Variants in GPHN observed in about 807,000 individuals in gnomAD.
GPHN encodes the protein gephyrin.
A neutral mutation model predicts 95.5 loss-of-function variants in GPHN; 17 were observed. The ratio of observed to expected loss-of-function variants is 0.18; its 90% CI spans 0.12 to 0.27. GPHN has a LOEUF of 0.27. Among genes scored for constraint, GPHN ranks in the 10% least tolerant of loss-of-function variants. The pLI, the probability that GPHN is intolerant of heterozygous loss-of-function variation, is 1.00. For missense variants in GPHN, 660 were observed against 978.1 expected, an observed-to-expected ratio of 0.67 and a Z score of 4.34; for synonymous variants, 320 against 322.5, an observed-to-expected ratio of 0.99 and a Z score of 0.08.
chr14:67,566,886 A>G, the GPHN span, among the ~76,000 whole-genome samples: 1 of 152,148 alleles, frequency 6.6e-6, no homozygotes, highest in Non-Finnish European at 1.5e-5. Context: ...TAGAAAATAT[A>G]TCAGATGACG....
the GPHN span, chr14:67,562,456 C>T: frequency 1.2e-6 from 2 of 1,613,864 alleles, no homozygotes; most frequent in East Asian, 2.2e-5. Context: ...TTCTTACCTT[C>T]AGATGTAGTT....
chr14:66,887,589 C>T (rs1316391375), intron 5 of GPHN, among the ~76,000 whole-genome samples: 1 of 151,942 alleles, frequency 6.6e-6, no homozygotes, highest in East Asian at 1.9e-4. Flanking sequence ...ATAAAAAGAC[C>T]AAGACCTAAT....
At chr14:67,111,316 C>T (rs1184320838) in intron 14 of GPHN, among the ~76,000 whole-genome samples, 2 of 152,224 alleles carry the variant, frequency 1.3e-5, no homozygotes, top group Non-Finnish European at 2.9e-5. Context: ...TGACAAGACA[C>T]AGTTCCAATG....
the GPHN span, among the ~76,000 whole-genome samples, chr14:67,284,568 A>AAAAT: frequency 7.1e-6 from 1 of 140,060 alleles, no homozygotes; most frequent in Non-Finnish European, 1.6e-5. Context: ...AAAAAAAAAA[A>AAAAT]AAAAAAAAAA....
intron 2 of GPHN, among the ~76,000 whole-genome samples, chr14:66,704,806 C>A (rs1467478869): frequency 2.0e-5 from 3 of 152,080 alleles, no homozygotes; most frequent in Non-Finnish European, 4.4e-5. Flanking sequence ...CAAGAAATAA[C>A]TAAGATCAGA....
At chr14:66,757,976 C>T (rs2058623518) in intron 2 of GPHN, among the ~76,000 whole-genome samples, 1 of 152,130 alleles carries the variant, frequency 6.6e-6, no homozygotes, top group South Asian at 2.1e-4. Flanking sequence ...GTTTCCCCCA[C>T]CCAAAGGTGG....
At chr14:67,580,262 CTT>C in the GPHN span, 1 of 189,814 alleles carries the variant, frequency 5.3e-6, no homozygotes, top group Non-Finnish European at 1.1e-5. Flanking sequence ...CAGCACCTCA[CTT>C]TTACCCTTTC....
chr14:66,587,975 T>G (rs950232375), intron 1 of GPHN, among the ~76,000 whole-genome samples: 1 of 152,032 alleles, frequency 6.6e-6, no homozygotes, highest in African/African-American at 2.4e-5. Flanking sequence ...GACAGACACC[T>G]CATACAGGAG....
At chr14:66,932,605 C>T (rs771165039) in intron 8 of GPHN, among the ~76,000 whole-genome samples, 37 of 150,296 alleles carry the variant, frequency 2.5e-4, no homozygotes, top group Admixed American at 1.9e-3. Flanking sequence ...AGACAAAGTC[C>T]TCTTTACTTT....
chr14:67,579,379 CT>C, the GPHN span: 1 of 1,276,774 alleles, frequency 7.8e-7, no homozygotes, highest in Non-Finnish European at 1.1e-6. Flanking sequence ...ACCCCTGGGC[CT>C]TAGGCTCAGG....
chr14:67,547,339 G>T, the GPHN span, among the ~76,000 whole-genome samples: 1 of 152,348 alleles, frequency 6.6e-6, no homozygotes, highest in East Asian at 1.9e-4. Context: ...TCAATGTCAG[G>T]ATTGTGTCTG....
chr14:67,563,788 C>A, the GPHN span, among the ~76,000 whole-genome samples: 1 of 145,038 alleles, frequency 6.9e-6, no homozygotes, highest in Non-Finnish European at 1.5e-5. Flanking sequence ...GGCTGAAGTG[C>A]AGTAGCACGG....
the GPHN span, chr14:67,647,919 G>A: frequency 9.9e-6 from 9 of 912,196 alleles, no homozygotes; most frequent in East Asian, 2.4e-4. Context: ...TGTATTAACA[G>A]CTTTATTAAC....
the GPHN span, chr14:67,279,643 G>A: frequency 8.8e-7 from 1 of 1,136,350 alleles, no homozygotes; most frequent in East Asian, 2.6e-5. Flanking sequence ...AGTAATGACA[G>A]TTTGAATTCC....
chr14:67,459,379 T>C, the GPHN span, among the ~76,000 whole-genome samples: 2 of 152,332 alleles, frequency 1.3e-5, no homozygotes, highest in South Asian at 2.1e-4. Context: ...TAGAGTCTGA[T>C]AGCAAAACCT....
chr14:67,695,106 C>A, the GPHN span, among the ~76,000 whole-genome samples: 1 of 152,220 alleles, frequency 6.6e-6, no homozygotes, highest in Non-Finnish European at 1.5e-5. Flanking sequence ...AAACACTCTT[C>A]CTTTTCACTT....
intron 12 of GPHN, among the ~76,000 whole-genome samples, chr14:67,098,174 GA>G (rs945965039): frequency 8.2e-5 from 12 of 147,014 alleles, no homozygotes; most frequent in African/African-American, 1.2e-4. Context: ...ACCTAACCTG[GA>G]AAAAAAAAAG....
intron 4 of GPHN, among the ~76,000 whole-genome samples, chr14:66,839,699 AC>A (rs2061997617): frequency 6.6e-6 from 1 of 152,128 alleles, no homozygotes; most frequent in Admixed American, 6.6e-5. Flanking sequence ...TCACTTTAAT[AC>A]CCCCATTGAT....
intron 1 of GPHN, among the ~76,000 whole-genome samples, chr14:66,596,252 G>A (rs958900227): frequency 5.9e-5 from 9 of 152,042 alleles, no homozygotes; most frequent in African/African-American, 2.2e-4. Flanking sequence ...AAAGCCATGG[G>A]CAGGCCCAGA....
Sources: allele counts gnomAD v4.1 joint callset (sites outside exome capture counted in the v4.1 genomes callset), GRCh38; gene constraint gnomAD v4.1.1; transcripts MANE v1.5; gene names NCBI Gene and HGNC (gene_info 2026-07-23, HGNC 2026-07-21).